Variants in FTO observed in about 807,000 individuals in gnomAD.
FTO encodes FTO alpha-ketoglutarate dependent dioxygenase, also known as alpha-ketoglutarate-dependent dioxygenase FTO.
FTO carries 47 observed loss-of-function variants against 63.9 expected under a neutral mutation model. The ratio of observed to expected loss-of-function variants is 0.74; its 90% CI spans 0.58 to 0.94. FTO has a LOEUF of 0.94. Among genes scored for constraint, FTO ranks in the 40% least tolerant of loss-of-function variants. The pLI is 0.00. For missense variants in FTO, 562 were observed against 618.1 expected (o/e 0.91, Z 0.96); for synonymous variants, 207 against 224.4 (o/e 0.92, Z 0.69).
chr16:53,733,621 G>T (rs1274992017), intron 1 of FTO, among the ~76,000 whole-genome samples: 1 of 152,126 alleles, frequency 6.6e-6, no homozygotes, highest in African/African-American at 2.4e-5. Context: ...TTTTGAGATG[G>T]TCGATATAAT....
At chr16:54,096,481 A>G (rs2086518961) in intron 8 of FTO, among the ~76,000 whole-genome samples, 1 of 152,212 alleles carries the variant, frequency 6.6e-6, no homozygotes, top group South Asian at 2.1e-4. Flanking sequence ...GGAGCAGTTT[A>G]TTATCTGTAA....
chr16:53,918,203 G>A (rs1193263289), intron 7 of FTO, among the ~76,000 whole-genome samples: 1 of 152,070 alleles, frequency 6.6e-6, no homozygotes, highest in East Asian at 1.9e-4. Context: ...TATTTTCCGG[G>A]AAATGTCTCA....
At chr16:53,751,014 A>G (rs940317494) in intron 1 of FTO, among the ~76,000 whole-genome samples, 5 of 152,158 alleles carry the variant, frequency 3.3e-5, no homozygotes, top group African/African-American at 4.8e-5. Context: ...TTTAATTTTC[A>G]TATTCATCTT....
chr16:53,869,818 A>G (rs2080444209), intron 4 of FTO, among the ~76,000 whole-genome samples: 1 of 151,630 alleles, frequency 6.6e-6, no homozygotes, highest in Non-Finnish European at 1.5e-5. Context: ...TCATAGTTTC[A>G]AAAACATTTC....
intron 1 of FTO, among the ~76,000 whole-genome samples, chr16:53,751,577 T>C (rs935565242): frequency 2.0e-5 from 3 of 152,214 alleles, no homozygotes; most frequent in East Asian, 1.9e-4. Flanking sequence ...GTTCCATTTA[T>C]ATAAAATGTC....
Position 53,734,137 on chromosome 16 carries a change from C to A in FTO, c.45+29908C>A, listed in dbSNP as rs1389517180. ...CCAGGTCAAATCCATTAAGGAAATT[C>A]TCTGCCAGACCTTTTCTTTTTTCTT... is the stretch of plus-strand genomic sequence containing the variant. On this transcript the variant is annotated intron_variant, in intron 1 of 8. Transcript: ENST00000471389. 3.3e-5 allele frequency among the ~76,000 whole-genome samples: 5 copies of A among 152,190 alleles called. No homozygotes were observed. The East Asian group carries it at 9.6e-4, about 29-fold the overall frequency.
At chr16:54,076,162 T>TA (rs1458678036) in intron 8 of FTO, among the ~76,000 whole-genome samples, 2 of 152,222 alleles carry the variant, frequency 1.3e-5, no homozygotes, top group Non-Finnish European at 2.9e-5. Flanking sequence ...TGTATATTTA[T>TA]AGTGTGTTTA....
At chr16:53,832,378 C>A (rs1303317511) in intron 3 of FTO, among the ~76,000 whole-genome samples, 1 of 152,274 alleles carries the variant, frequency 6.6e-6, no homozygotes, top group East Asian at 1.9e-4. Flanking sequence ...TTCCTTGTGC[C>A]CCTTTGCAAT....
intron 3 of FTO, among the ~76,000 whole-genome samples, chr16:53,838,242 A>T (rs1296571517): frequency 2.6e-5 from 4 of 152,198 alleles, no homozygotes; most frequent in African/African-American, 9.7e-5. Flanking sequence ...TGACATGGAT[A>T]GCAAGGGACC....
intron 8 of FTO, among the ~76,000 whole-genome samples, chr16:54,014,428 C>T (rs1191210788): frequency 2.6e-5 from 4 of 151,920 alleles, no homozygotes; most frequent in Admixed American, 6.6e-5. Flanking sequence ...TCTCTCTCTC[C>T]GTGTGATGCC....
At chr16:54,067,534 G>A (rs1263256136) in intron 8 of FTO, among the ~76,000 whole-genome samples, 5 of 152,220 alleles carry the variant, frequency 3.3e-5, no homozygotes, top group Non-Finnish European at 4.4e-5. Flanking sequence ...ACAGTGTGTT[G>A]CTATTGCAGT....
At chr16:53,920,177 C>G (rs1316958420) in intron 7 of FTO, among the ~76,000 whole-genome samples, 1 of 152,068 alleles carries the variant, frequency 6.6e-6, no homozygotes, top group Non-Finnish European at 1.5e-5. Flanking sequence ...GTGTCAGGTA[C>G]TATGGTAAGG....
chr16:53,914,848 T>C (rs1025831634), intron 7 of FTO, among the ~76,000 whole-genome samples: 2 of 152,220 alleles, frequency 1.3e-5, no homozygotes, highest in African/African-American at 4.8e-5. Flanking sequence ...TTCTTGTTTA[T>C]ATTGTCAAGA....
chr16:53,955,510 G>A (rs576636600), intron 8 of FTO, among the ~76,000 whole-genome samples: 10 of 152,280 alleles, frequency 6.6e-5, no homozygotes, highest in Admixed American at 5.2e-4. Context: ...AGAAGTAAGT[G>A]AGATGGGATG....
intron 8 of FTO, among the ~76,000 whole-genome samples, chr16:53,964,868 A>T (rs1485936837): frequency 6.6e-6 from 1 of 152,204 alleles, no homozygotes; most frequent in African/African-American, 2.4e-5. Flanking sequence ...ATTTCATTTT[A>T]TGGATACATA....
intron 4 of FTO, among the ~76,000 whole-genome samples, chr16:53,849,734 C>T (rs982213041): frequency 6.6e-6 from 1 of 152,334 alleles, no homozygotes; most frequent in Non-Finnish European, 1.5e-5. Flanking sequence ...TGCCATGCTT[C>T]TGTTTTTTGA....
intron 1 of FTO, among the ~76,000 whole-genome samples, chr16:53,800,087 C>T (rs563788938): frequency 6.6e-6 from 1 of 151,932 alleles, no homozygotes; most frequent in Admixed American, 6.6e-5. Context: ...CAAGTGGAAG[C>T]TAAGGTAATT....
intron 8 of FTO, among the ~76,000 whole-genome samples, chr16:53,946,582 TA>T (rs1458004695): frequency 2.6e-5 from 4 of 152,230 alleles, no homozygotes; most frequent in South Asian, 2.1e-4. Context: ...TTTATTCTTA[TA>T]TTTTTTTTCA....
chr16:53,752,920 CTT>C (rs749666605), intron 1 of FTO, among the ~76,000 whole-genome samples: 6 of 138,150 alleles, frequency 4.3e-5, no homozygotes, highest in Non-Finnish European at 4.7e-5. Context: ...ATATGACTGC[CTT>C]TTTTTTTTTT....
Sources: gnomAD v4.1 joint callset for allele counts (sites outside exome capture counted in the v4.1 genomes callset) on GRCh38, gnomAD v4.1.1 for gene constraint, MANE v1.5 for transcripts, NCBI Gene and HGNC (gene_info 2026-07-23, HGNC 2026-07-21) for gene names.